The following DNM3 variants were observed in gnomAD, a reference collection of about 807,000 sequenced individuals.
The protein encoded by DNM3 is dynamin-3.
Under a neutral mutation model 101.6 loss-of-function variants are expected in DNM3, and 47 were observed. The ratio of observed to expected loss-of-function variants is 0.46; its 90% CI spans 0.37 to 0.59. The LOEUF (loss-of-function observed/expected upper bound fraction) is 0.59. Ranked by LOEUF, DNM3 falls within the 20% of genes least tolerant of loss-of-function variation. The pLI, the probability that DNM3 is intolerant of heterozygous loss-of-function variation, is 0.00. For missense variants in DNM3, 849 were observed against 1,085.7 expected (o/e 0.78, Z 3.06); for synonymous variants, 385 against 387.9 (o/e 0.99, Z 0.09).
intron 13 of DNM3, among the ~76,000 whole-genome samples, chr1:172,123,269 C>T (rs946533511): frequency 6.6e-6 from 1 of 151,944 alleles, no homozygotes; most frequent in African/African-American, 2.4e-5. Flanking sequence ...TTCTTTAAAT[C>T]CCTTCATATA....
At chr1:172,293,156 G>A (rs770707302) in intron 15 of DNM3, among the ~76,000 whole-genome samples, 1 of 152,204 alleles carries the variant, frequency 6.6e-6, no homozygotes, top group Non-Finnish European at 1.5e-5. Flanking sequence ...ATTGTGCAAA[G>A]GAATTTGTTC....
chr1:172,152,946 A>G (rs558417885), intron 14 of DNM3, among the ~76,000 whole-genome samples: 3 of 152,200 alleles, frequency 2.0e-5, no homozygotes, highest in Non-Finnish European at 2.9e-5. Context: ...AAAACACTAA[A>G]GCCAAGTGTT....
In DNM3 at chr1:172,079,694, A is replaced by G. The variant is rs1456732595; in HGVS notation, c.1423-2138A>G. ...AGGAGTTGCGATCCTTTGGAAGAGAAGAGGTGTTCTGGTTTTTGGAATTTT... is the reference window on the plus strand; with the variant it reads ...AGGAGTTGCGATCCTTTGGAAGAGAGGAGGTGTTCTGGTTTTTGGAATTTT... On this transcript the variant is annotated intron_variant, in intron 11 of 20. Coordinates refer to ENST00000627582, the MANE Select transcript of DNM3 (RefSeq NM_015569.5). Among the ~76,000 whole-genome samples the G allele has an allele frequency of 7.2e-5, 11 of 152,268 alleles. No homozygotes were observed. The East Asian group carries it at 1.9e-3, about 27-fold the overall frequency.
intron 13 of DNM3, 92 bp downstream of exon 13, chr1:172,092,967 A>C: frequency 8.0e-7 from 1 of 1,255,508 alleles, no homozygotes; most frequent in South Asian, 1.6e-5. Context: ...CAAATTAATC[A>C]CGTGCAAATT....
chr1:172,407,915 A>C lies in DNM3; in HGVS notation c.*74A>C, dbSNP rs2071010094. On this transcript the variant is annotated 3_prime_UTR_variant, in exon 21 of 21. Transcript: ENST00000627582. ...AACATATTTGATAACCGTTGCAGTA[A>C]ATCATGAGTAGTCGCATGTGTGGAC... The C allele has an allele frequency of 6.2e-7, 1 of 1,607,934 alleles. No individual in the cohort carries two copies. Among genetic ancestry groups the C allele is most frequent in the Non-Finnish European group, 8.5e-7 (1 of 1,176,158 alleles).
chr1:171,990,138 C>T (rs933027822), intron 4 of DNM3, among the ~76,000 whole-genome samples: 1 of 152,114 alleles, frequency 6.6e-6, no homozygotes, highest in Non-Finnish European at 1.5e-5. Flanking sequence ...TATCTTCCTC[C>T]AAGGACTTTA....
rs2071101566 is a variant in DNM3 at position 172,409,717 on chromosome 1, C to T, written c.*1876C>T. 2 of 985,056 alleles carry T rather than the reference C, an allele frequency of 2.0e-6. No homozygotes were observed. The highest frequency in any genetic ancestry group is 1.7e-5 in the African/African-American group (1 of 57,146). The allele number at this position is 985,056 out of a possible 1,614,324, so 61.0% of individuals were successfully genotyped here. On this transcript the variant is annotated 3_prime_UTR_variant, in exon 21 of 21. Coordinates refer to ENST00000627582, the MANE Select transcript of DNM3 (RefSeq NM_015569.5). ...CATCCATAGTAAAACAAATAATCTT[C>T]AGTGAGATCTTTTTATAAAACTTCT...
At chr1:171,921,623 A>T in intron 1 of DNM3, 125 bp from the exon 2 acceptor site, 1 of 737,740 alleles carries the variant, frequency 1.4e-6, no homozygotes, top group Non-Finnish European at 2.3e-6. Flanking sequence ...TGGGCCTATC[A>T]TTGTTTGGAT....
At chr1:172,152,539 T>C (rs1006506282) in intron 14 of DNM3, among the ~76,000 whole-genome samples, 1 of 152,142 alleles carries the variant, frequency 6.6e-6, no homozygotes, top group African/African-American at 2.4e-5. Context: ...TGAGGTAATG[T>C]CAACTGTAAC....
chr1:171,940,709 T>A (rs2041753773), intron 2 of DNM3, among the ~76,000 whole-genome samples: 1 of 152,208 alleles, frequency 6.6e-6, no homozygotes, highest in African/African-American at 2.4e-5. Context: ...CCATTTTAAA[T>A]GTCTATTTGC....
chr1:172,027,617 C>CACACACACACAGAGAG (rs34981346), intron 4 of DNM3, among the ~76,000 whole-genome samples: 55 of 147,126 alleles, frequency 3.7e-4, no homozygotes, highest in African/African-American at 1.4e-3. Context: ...CACACACACA[C>CACACACACACAGAGAG]AGAGAGAGAG....
intron 10 of DNM3, among the ~76,000 whole-genome samples, chr1:172,050,001 C>A (rs752169530): frequency 6.6e-6 from 1 of 152,144 alleles, no homozygotes; most frequent in South Asian, 2.1e-4. Context: ...GCTCCTACTG[C>A]TCTTCCACCT....
intron 14 of DNM3, among the ~76,000 whole-genome samples, chr1:172,189,686 T>C (rs1284557399): frequency 6.6e-6 from 1 of 152,032 alleles, no homozygotes; most frequent in Non-Finnish European, 1.5e-5. Flanking sequence ...GGTAACTTAC[T>C]AAGAAAAGAG....
intron 15 of DNM3, among the ~76,000 whole-genome samples, chr1:172,287,834 T>C (rs1196104516): frequency 6.6e-6 from 1 of 151,306 alleles, no homozygotes; most frequent in Non-Finnish European, 1.5e-5. Flanking sequence ...CACACACATA[T>C]ATTTTTTGAG....
intron 2 of DNM3, among the ~76,000 whole-genome samples, chr1:171,981,646 A>G (rs1465885518): frequency 6.6e-6 from 1 of 152,226 alleles, no homozygotes; most frequent in African/African-American, 2.4e-5. Context: ...AAATAGAATT[A>G]TAGCTCTGAT....
chr1:171,856,653 T>C (rs1216771053), intron 1 of DNM3, among the ~76,000 whole-genome samples: 1 of 152,152 alleles, frequency 6.6e-6, no homozygotes, highest in Non-Finnish European at 1.5e-5. Flanking sequence ...TGAGATTGTG[T>C]TCCTGATTTG....
chr1:171,980,767 A>ATTTTTTTTTT (rs35033942), intron 2 of DNM3, among the ~76,000 whole-genome samples: 38 of 110,246 alleles, frequency 3.4e-4, no homozygotes, highest in African/African-American at 1.2e-3. Context: ...AAATCTACAG[A>ATTTTTTTTTT]TTTTTTTTTT....
At chr1:172,229,731 T>C (rs2061262580) in intron 14 of DNM3, among the ~76,000 whole-genome samples, 1 of 152,124 alleles carries the variant, frequency 6.6e-6, no homozygotes, top group South Asian at 2.1e-4. Flanking sequence ...TAGATTATAC[T>C]ACAAAACATA....
intron 14 of DNM3, among the ~76,000 whole-genome samples, chr1:172,222,254 A>C (rs477289): frequency 0.35 from 53,568 of 152,058 alleles, 10,953 homozygotes; most frequent in African/African-American, 0.57. Context: ...TTCACATCAT[A>C]AAGAATGTAC....
Sources: gnomAD v4.1 joint callset for allele counts (sites outside exome capture counted in the v4.1 genomes callset) on GRCh38, gnomAD v4.1.1 for gene constraint, MANE v1.5 for transcripts, NCBI Gene and HGNC (gene_info 2026-07-23, HGNC 2026-07-21) for gene names.